The following SUCLA2 variants were observed in gnomAD, a reference collection of about 807,000 sequenced individuals.
SUCLA2 encodes succinate--CoA ligase [ADP-forming] subunit beta, mitochondrial.
In SUCLA2, 30 loss-of-function variants were observed where a neutral mutation model predicts 54.8. That is an observed-to-expected ratio of 0.55 (90% CI 0.41 to 0.74). SUCLA2 has a LOEUF of 0.74. SUCLA2 is among the 30% of genes least tolerant of loss of function. The probability of loss-of-function intolerance (pLI) is 0.00; values close to 1 mark genes in which losing one functional copy is unlikely to be tolerated. For missense variants in SUCLA2, 476 were observed against 562.9 expected (o/e 0.85, Z 1.56); for synonymous variants, 172 against 188.9 (o/e 0.91, Z 0.74).
chr13:47,967,520 A>G (rs999369640), intron 6 of SUCLA2, among the ~76,000 whole-genome samples: 3 of 152,202 alleles, frequency 2.0e-5, no homozygotes, highest in African/African-American at 7.2e-5. Context: ...CTTAAGATGG[A>G]GAATAAAAAA....
chr13:47,944,112 G>A (rs1430298441), intron 10 of SUCLA2, among the ~76,000 whole-genome samples: 1 of 152,048 alleles, frequency 6.6e-6, no homozygotes, highest in Admixed American at 6.5e-5. Context: ...AAAAGGCTTT[G>A]AAGTTAGATA....
intron 6 of SUCLA2, among the ~76,000 whole-genome samples, chr13:47,967,551 T>C (rs1949929066): frequency 1.3e-5 from 2 of 152,072 alleles, no homozygotes; most frequent in Admixed American, 1.3e-4. Flanking sequence ...ATAAAAGTAA[T>C]GGAACTCGGC....
chr13:47,994,214 T>C lies in SUCLA2; in HGVS notation c.271+2629A>G, dbSNP rs532026578. ...CCAAGTGTATTTCTAAGGTCCCTCATTCTACACCTTGTGCAACTAGATCCC... is the reference window on the plus strand; with the variant it reads ...CCAAGTGTATTTCTAAGGTCCCTCACTCTACACCTTGTGCAACTAGATCCC... On this transcript the variant is annotated intron_variant, in intron 2 of 10. Transcript: ENST00000646932. Among the ~76,000 whole-genome samples, 42 of 151,564 alleles carry C rather than the reference T, an allele frequency of 2.8e-4. 1 individual carries two copies. Among genetic ancestry groups the C allele is most frequent in the African/African-American group, 9.0e-4 (37 of 41,286 alleles).
intron 8 of SUCLA2, among the ~76,000 whole-genome samples, chr13:47,952,298 T>C (rs1432438001): frequency 6.6e-6 from 1 of 152,172 alleles, no homozygotes; most frequent in Non-Finnish European, 1.5e-5. Context: ...TTTCCTTCTC[T>C]ATTCAACCCT....
chr13:47,982,160 T>C (rs1950065201), intron 4 of SUCLA2, among the ~76,000 whole-genome samples: 2 of 152,214 alleles, frequency 1.3e-5, no homozygotes, highest in African/African-American at 4.8e-5. Flanking sequence ...ATGTTCACTG[T>C]AGCATTACTG....
intron 2 of SUCLA2, among the ~76,000 whole-genome samples, chr13:47,992,960 T>C (rs1250845440): frequency 1.3e-5 from 2 of 152,338 alleles, no homozygotes; most frequent in Non-Finnish European, 2.9e-5. Context: ...CCAGGCGCAG[T>C]GGCTCACGCC....
chr13:47,954,073 T>C, intron 8 of SUCLA2, 67 bp downstream of exon 8: 3 of 1,245,696 alleles, frequency 2.4e-6, no homozygotes, highest in Non-Finnish European at 3.1e-6. Context: ...CATAAAAATA[T>C]ACATTTTTAT....
At chr13:47,976,094 A>T (rs1950010050) in intron 4 of SUCLA2, among the ~76,000 whole-genome samples, 2 of 152,030 alleles carry the variant, frequency 1.3e-5, no homozygotes, top group African/African-American at 4.8e-5. Context: ...AAAAATTTAA[A>T]ATTAAAAAAA....
chr13:47,962,128 TTTTG>T (rs1566084258), intron 6 of SUCLA2, among the ~76,000 whole-genome samples: 2 of 152,176 alleles, frequency 1.3e-5, no homozygotes, highest in African/African-American at 2.4e-5. Context: ...TTGATGATTC[TTTTG>T]TTTGTTTTTT....
rs566627645 is a variant in SUCLA2 at position 47,984,351 on chromosome 13, G to A, written c.534+4190C>T. On this transcript the variant is annotated intron_variant, in intron 4 of 10. Transcript: ENST00000646932. ...TGGGACTACAGGCACCCCCCACCAC[G>A]CCCAGCTAATTTTTTGTTTTTTTTG... is the stretch of plus-strand genomic sequence containing the variant. Among the ~76,000 whole-genome samples, 258 of 113,580 alleles carry A rather than the reference G, an allele frequency of 2.3e-3. 1 individual carries two copies. Among genetic ancestry groups the A allele is most frequent in the African/African-American group, 6.9e-3 (235 of 33,856 alleles). 74.5% of individuals were successfully genotyped at this position (113,580 alleles called of 152,430 possible). A position where few individuals can be genotyped will look rare whatever the true frequency, so the allele number is the denominator to read the frequency against.
chr13:47,965,508 C>CAA (rs1949910767), intron 6 of SUCLA2: 1 of 281,820 alleles, frequency 3.5e-6, no homozygotes, highest in Non-Finnish European at 6.2e-6. Flanking sequence ...AAAAAAAAAA[C>CAA]AAACAAACAA....
intron 2 of SUCLA2, among the ~76,000 whole-genome samples, chr13:47,995,950 T>G (rs1950187176): frequency 6.6e-6 from 1 of 152,198 alleles, no homozygotes; most frequent in African/African-American, 2.4e-5. Flanking sequence ...CATTTAATAT[T>G]TATTCATTTA....
chr13:47,963,319 G>C (rs1411147864), intron 6 of SUCLA2, among the ~76,000 whole-genome samples: 1 of 152,240 alleles, frequency 6.6e-6, no homozygotes, highest in Non-Finnish European at 1.5e-5. Flanking sequence ...TGGAATTAGA[G>C]TTATCAGTAT....
At chr13:47,972,849 G>A (rs1222528236) in intron 5 of SUCLA2, among the ~76,000 whole-genome samples, 1 of 147,210 alleles carries the variant, frequency 6.8e-6, no homozygotes, top group Non-Finnish European at 1.5e-5. Flanking sequence ...CTGGGTTCAA[G>A]CGATTCTTCT....
chr13:47,998,793 CATT>C (rs1950208181), intron 1 of SUCLA2, among the ~76,000 whole-genome samples: 1 of 152,194 alleles, frequency 6.6e-6, no homozygotes, highest in Admixed American at 6.5e-5. Context: ...GGGCTGGAAA[CATT>C]GTATATCTTG....
chr13:47,971,035 C>CA (rs1457265256), intron 5 of SUCLA2, among the ~76,000 whole-genome samples: 49 of 147,538 alleles, frequency 3.3e-4, no homozygotes, highest in African/African-American at 4.8e-4. Context: ...GACTCCGTCT[C>CA]AAAAAAAAAC....
At chr13:47,943,750 G>A (rs200293594) in intron 10 of SUCLA2, among the ~76,000 whole-genome samples, 2 of 121,962 alleles carry the variant, frequency 1.6e-5, no homozygotes, top group Non-Finnish European at 3.2e-5. Flanking sequence ...ATGTATGTGT[G>A]TGTGTGTGTG....
intron 1 of SUCLA2, 110 bp from the exon 2 acceptor site, chr13:47,997,133 T>A: frequency 8.7e-7 from 1 of 1,150,178 alleles, no homozygotes; most frequent in Non-Finnish European, 1.3e-6. Flanking sequence ...ATTAGCAAAG[T>A]ACAATATTCA....
intron 5 of SUCLA2, among the ~76,000 whole-genome samples, chr13:47,969,564 T>C (rs1415531696): frequency 6.6e-6 from 1 of 152,192 alleles, no homozygotes; most frequent in Non-Finnish European, 1.5e-5. Context: ...CAAGCATCTA[T>C]CATGTTTCAA....
Sources: gnomAD v4.1 joint callset for allele counts (sites outside exome capture counted in the v4.1 genomes callset) on GRCh38, gnomAD v4.1.1 for gene constraint, MANE v1.5 for transcripts, NCBI Gene and HGNC (gene_info 2026-07-23, HGNC 2026-07-21) for gene names.